The following ASTN2 variants were observed in gnomAD, a reference collection of about 807,000 sequenced individuals.
The protein encoded by ASTN2 is astrotactin 2, also known as astrotactin-2.
ASTN2 carries 54 observed loss-of-function variants against 139.8 expected under a neutral mutation model. The observed-to-expected ratio is 0.39, with a 90% CI of 0.31 to 0.48. The LOEUF (loss-of-function observed/expected upper bound fraction) is 0.48, where lower values mean the gene tolerates loss of function less well. Ranked by LOEUF, ASTN2 falls within the 20% of genes least tolerant of loss-of-function variation. The pLI is 0.95. For synonymous variants in ASTN2, 756 were observed against 719.5 expected, an observed-to-expected ratio of 1.05 and a Z score of -0.81; for missense variants, 1,565 against 1,725.1, an observed-to-expected ratio of 0.91 and a Z score of 1.64.
At chr9:116,738,029 A>G (rs1828987663) in intron 13 of ASTN2, among the ~76,000 whole-genome samples, 1 of 151,244 alleles carries the variant, frequency 6.6e-6, no homozygotes, top group Non-Finnish European at 1.5e-5. Context: ...CGTCTCTACT[A>G]AAAATACAAA....
intron 1 of ASTN2, among the ~76,000 whole-genome samples, chr9:117,382,822 A>G (rs1441902158): frequency 6.6e-6 from 1 of 152,176 alleles, no homozygotes; most frequent in Non-Finnish European, 1.5e-5. Context: ...AAAGGAGGAA[A>G]ACATAATATC....
At chr9:116,827,865 G>A (rs1249805137) in intron 11 of ASTN2, among the ~76,000 whole-genome samples, 1 of 152,142 alleles carries the variant, frequency 6.6e-6, no homozygotes, top group Non-Finnish European at 1.5e-5. Flanking sequence ...ATGAGGAAGA[G>A]GAAATTCTTT....
intron 17 of ASTN2, among the ~76,000 whole-genome samples, chr9:116,639,392 C>G (rs1037369564): frequency 6.6e-6 from 1 of 152,184 alleles, no homozygotes; most frequent in African/African-American, 2.4e-5. Flanking sequence ...CAAACTCATG[C>G]TGCTTTCAAC....
Position 116,699,273 on chromosome 9 carries a change from T to C in ASTN2, c.2806+26498A>G, listed in dbSNP as rs767055461. On this transcript the variant is annotated intron_variant, in intron 16 of 22. Transcript: ENST00000313400. The surrounding 1 kb of genome is among the most constrained non-coding windows in gnomAD (Gnocchi z 4.2). Reference sequence around the variant, plus strand: ...AGGGGTGGTCAAATACAGCTGCCTATGTAGTGCTGTGCGGCCCAAATTTGT... The same window carrying C: ...AGGGGTGGTCAAATACAGCTGCCTACGTAGTGCTGTGCGGCCCAAATTTGT... The C allele has an allele frequency of 6.2e-7, 1 of 1,614,184 alleles. No homozygotes were observed. Among genetic ancestry groups the C allele is most frequent in the Middle Eastern group, 1.6e-4 (1 of 6,062 alleles).
At chr9:117,016,366 A>G (rs1837674665) in intron 6 of ASTN2, among the ~76,000 whole-genome samples, 1 of 151,856 alleles carries the variant, frequency 6.6e-6, no homozygotes, top group Non-Finnish European at 1.5e-5. Context: ...TCTAAGTGCC[A>G]TAACTTCTAA....
At position 116,563,108 on chromosome 9, in the gene ASTN2, G is replaced by A. The variant is rs10983235; in HGVS notation, c.3355+55216C>T. Among the ~76,000 whole-genome samples the A allele has an allele frequency of 0.019, 2,890 of 152,166 alleles. 398 individuals carry two copies. In the South Asian group the frequency reaches 0.29, roughly 16 times the overall value. On this transcript the variant is annotated intron_variant, in intron 19 of 22. Transcript: ENST00000313400. Reference sequence around the variant, plus strand: ...TCTCCCAGCCAGGCTGGGTGCGGTGGCTCACACCTGTAATCCCAGCACTTT... The same window carrying A: ...TCTCCCAGCCAGGCTGGGTGCGGTGACTCACACCTGTAATCCCAGCACTTT...
rs775422381 is a variant in ASTN2, at chr9:117,008,158, A to G, written c.1525T>C (p.Trp509Arg). Residue 509 changes from tryptophan to arginine, a missense_variant, in exon 7 of 23, where the codon TGG (tryptophan) becomes CGG (arginine). Physicochemically the swap from Trp to Arg is moderately radical, Grantham distance 101. Transcript: ENST00000313400. Reference sequence around the variant, plus strand: ...CTTTGTCCACAGAGGTCCCTCACCCATGGGGAGGTGGCATTGATCTGGTAA... The same window carrying G: ...CTTTGTCCACAGAGGTCCCTCACCCGTGGGGAGGTGGCATTGATCTGGTAA... ...LYYQINATSP[W>R]VRDLCGQRTT... The G allele has an allele frequency of 1.2e-6, 2 of 1,611,266 alleles. No homozygotes were observed. The highest frequency in any genetic ancestry group is 1.7e-6 in the Non-Finnish European group (2 of 1,178,716).
intron 13 of ASTN2, among the ~76,000 whole-genome samples, chr9:116,757,863 G>T (rs1258367602): frequency 1.3e-5 from 2 of 152,090 alleles, no homozygotes; most frequent in South Asian, 4.1e-4. Flanking sequence ...TCATAAAAAA[G>T]TTATATGCTT....
chr9:116,461,430 AT>A (rs1848483855), intron 20 of ASTN2, among the ~76,000 whole-genome samples: 1 of 152,062 alleles, frequency 6.6e-6, no homozygotes, highest in South Asian at 2.1e-4. Flanking sequence ...GCATATATAT[AT>A]GTACACATAT....
chr9:116,925,510 C>A (rs987523724), intron 10 of ASTN2, among the ~76,000 whole-genome samples: 7 of 152,184 alleles, frequency 4.6e-5, no homozygotes, highest in African/African-American at 1.7e-4. Flanking sequence ...GAAGGACATG[C>A]AGATGTATGT....
At chr9:116,463,924 T>TTTTTTC (rs1848572526) in intron 20 of ASTN2, among the ~76,000 whole-genome samples, 1 of 150,548 alleles carries the variant, frequency 6.6e-6, no homozygotes, top group South Asian at 2.1e-4. Flanking sequence ...TTTTTTTTTT[T>TTTTTTC]TTTGAGAGAG....
At chr9:117,031,326 T>C (rs954573406) in intron 6 of ASTN2, among the ~76,000 whole-genome samples, 10 of 152,176 alleles carry the variant, frequency 6.6e-5, no homozygotes, top group African/African-American at 2.4e-4. Flanking sequence ...ATTTCTTATA[T>C]GCCTACTGAG....
chr9:117,228,587 G>C (rs1832789134), intron 2 of ASTN2, among the ~76,000 whole-genome samples: 1 of 152,078 alleles, frequency 6.6e-6, no homozygotes, highest in South Asian at 2.1e-4. Context: ...GGAGTCAATG[G>C]GAGGTGCTCT....
intron 10 of ASTN2, among the ~76,000 whole-genome samples, chr9:116,931,134 C>T (rs1438815817): frequency 6.6e-6 from 1 of 152,206 alleles, no homozygotes; most frequent in African/African-American, 2.4e-5. Flanking sequence ...ATCTCTAGAA[C>T]AGGGCATCAA....
chr9:116,896,117 G>A (rs1225969420), intron 10 of ASTN2, among the ~76,000 whole-genome samples: 1 of 152,114 alleles, frequency 6.6e-6, no homozygotes, highest in African/African-American at 2.4e-5. Context: ...CACAGAACCT[G>A]GAATATAGAT....
At chr9:116,996,843 G>C (rs1377588264) in intron 7 of ASTN2, among the ~76,000 whole-genome samples, 1 of 151,886 alleles carries the variant, frequency 6.6e-6, no homozygotes, top group East Asian at 1.9e-4. Context: ...AACCTTCCTG[G>C]ATTTATTTTT....
intron 13 of ASTN2, among the ~76,000 whole-genome samples, chr9:116,790,048 C>T (rs1386345897): frequency 1.3e-5 from 2 of 151,600 alleles, no homozygotes; most frequent in East Asian, 2.0e-4. Flanking sequence ...GCCTCAGCCT[C>T]CCGAGTAGTT....
At chr9:117,265,072 C>T (rs1386127121) in intron 2 of ASTN2, among the ~76,000 whole-genome samples, 1 of 152,162 alleles carries the variant, frequency 6.6e-6, no homozygotes, top group Non-Finnish European at 1.5e-5. Flanking sequence ...CCCAAAATCC[C>T]TGGTCAAAGG....
intron 20 of ASTN2, among the ~76,000 whole-genome samples, chr9:116,474,147 C>T (rs1848905005): frequency 6.6e-6 from 1 of 152,108 alleles, no homozygotes; most frequent in African/African-American, 2.4e-5. Context: ...TGACTCAAGA[C>T]CCCATGCTCG....
Sources: gnomAD v4.1 joint callset for allele counts (sites outside exome capture counted in the v4.1 genomes callset) on GRCh38, gnomAD v4.1.1 for gene constraint, Gnocchi (gnomAD v3.1) non-coding constraint, MANE v1.5 for transcripts, NCBI Gene and HGNC (gene_info 2026-07-23, HGNC 2026-07-21) for gene names.